The following TENM3 variants were observed in gnomAD, a reference collection of about 807,000 sequenced individuals.
TENM3 encodes teneurin transmembrane protein 3, also known as teneurin-3.
Under a neutral mutation model 255.1 loss-of-function variants are expected in TENM3, and 63 were observed. The observed-to-expected ratio is 0.25, with a 90% CI of 0.20 to 0.30. The LOEUF (loss-of-function observed/expected upper bound fraction) is 0.30. Among genes scored for constraint, TENM3 ranks in the 10% least tolerant of loss-of-function variants. The pLI is 1.00. For synonymous variants in TENM3, 1,306 were observed against 1,322.3 expected, an observed-to-expected ratio of 0.99 and a Z score of 0.27; for missense variants, 2,929 against 3,461.1, an observed-to-expected ratio of 0.85 and a Z score of 3.86.
the TENM3 span, among the ~76,000 whole-genome samples, chr4:181,526,958 G>C: frequency 6.6e-6 from 1 of 152,136 alleles, no homozygotes; most frequent in East Asian, 1.9e-4. Context: ...TCATGGCCAA[G>C]TGCTGTCTCT....
At chr4:182,196,628 A>G (rs1235634064) in intron 1 of TENM3, among the ~76,000 whole-genome samples, 1 of 152,146 alleles carries the variant, frequency 6.6e-6, no homozygotes, top group East Asian at 1.9e-4. Flanking sequence ...TAGTAATGTA[A>G]CTAGGGCTGA....
chr4:182,078,460 T>C, the TENM3 span, among the ~76,000 whole-genome samples: 1 of 152,238 alleles, frequency 6.6e-6, no homozygotes, highest in East Asian at 1.9e-4. Context: ...AGGTGGAGAT[T>C]GCAGTGAGCT....
At chr4:182,785,738 C>CAAAAAAA (rs1765596850) in intron 24 of TENM3, among the ~76,000 whole-genome samples, 1 of 139,348 alleles carries the variant, frequency 7.2e-6, no homozygotes, top group Non-Finnish European at 1.5e-5. Context: ...AAAAAAGCCA[C>CAAAAAAA]TGAAGCCTGG....
At chr4:181,492,493 C>T in the TENM3 span, among the ~76,000 whole-genome samples, 2 of 152,214 alleles carry the variant, frequency 1.3e-5, no homozygotes, top group Admixed American at 1.3e-4. Flanking sequence ...AAAGAATGCA[C>T]TTAGCAGTCT....
intron 1 of TENM3, among the ~76,000 whole-genome samples, chr4:182,307,746 C>A (rs1051257318): frequency 6.6e-6 from 1 of 152,242 alleles, no homozygotes; most frequent in African/African-American, 2.4e-5. Context: ...AATTGACTTA[C>A]TCCAAATTGT....
intron 1 of TENM3, among the ~76,000 whole-genome samples, chr4:182,252,142 C>T (rs919295006): frequency 2.6e-5 from 4 of 151,448 alleles, no homozygotes; most frequent in African/African-American, 9.7e-5. Context: ...AAGATTACGC[C>T]ACTGCACTCC....
chr4:182,768,456 T>C (rs1023911950), intron 22 of TENM3, among the ~76,000 whole-genome samples: 1 of 152,190 alleles, frequency 6.6e-6, no homozygotes, highest in East Asian at 1.9e-4. Context: ...TAGAAAGGTA[T>C]TATAATCATG....
At chr4:181,546,650 C>T in the TENM3 span, among the ~76,000 whole-genome samples, 1 of 139,964 alleles carries the variant, frequency 7.1e-6, no homozygotes, top group Non-Finnish European at 1.5e-5. Flanking sequence ...GGAGGCAGAG[C>T]TTGCAGCGAG....
intron 6 of TENM3, among the ~76,000 whole-genome samples, chr4:182,670,551 G>A (rs1561083161): frequency 6.6e-6 from 1 of 152,138 alleles, no homozygotes; most frequent in Non-Finnish European, 1.5e-5. Flanking sequence ...TTCACCTCTA[G>A]CCCGCTCAGA....
chr4:182,066,716 C>T, the TENM3 span, among the ~76,000 whole-genome samples: 7 of 151,712 alleles, frequency 4.6e-5, no homozygotes, highest in South Asian at 4.2e-4. Flanking sequence ...CGAGACCGTC[C>T]TGGCTAACAC....
At chr4:182,352,054 A>T (rs1479037352) in intron 3 of TENM3, among the ~76,000 whole-genome samples, 1 of 152,048 alleles carries the variant, frequency 6.6e-6, no homozygotes, top group Non-Finnish European at 1.5e-5. Flanking sequence ...CCTAGTTTGG[A>T]CTAGGTAGAT....
At chr4:181,571,963 TA>T in the TENM3 span, among the ~76,000 whole-genome samples, 1 of 152,166 alleles carries the variant, frequency 6.6e-6, no homozygotes, top group African/African-American at 2.4e-5. Flanking sequence ...AATATGATTA[TA>T]GGAATCTTTA....
rs113502277 is a variant in TENM3, at chr4:182,336,151, G to A, written c.233-10500G>A. ...CAAAGAGACAGTCTCACACATGGAA[G>A]CCATGCCCTAGAGTACAATTCATCC... On this transcript the variant is annotated intron_variant, in intron 2 of 27. Coordinates refer to ENST00000511685, the MANE Select transcript of TENM3 (RefSeq NM_001080477.4). Among the ~76,000 whole-genome samples, 1,316 of 152,250 alleles carry A rather than the reference G, an allele frequency of 8.6e-3. 22 individuals are homozygous for A. The highest frequency in any genetic ancestry group is 0.03 in the African/African-American group (1,239 of 41,544).
At chr4:181,929,412 G>A in the TENM3 span, among the ~76,000 whole-genome samples, 3 of 151,128 alleles carry the variant, frequency 2.0e-5, no homozygotes, top group South Asian at 6.2e-4. Context: ...CTTTAAACCA[G>A]CAAAGATCAG....
the TENM3 span, among the ~76,000 whole-genome samples, chr4:181,685,404 T>C: frequency 6.6e-6 from 1 of 152,176 alleles, no homozygotes; most frequent in African/African-American, 2.4e-5. Flanking sequence ...TGGCATTGTA[T>C]GTTAGTTGGT....
At chr4:182,697,080 A>G in intron 12 of TENM3, among the ~76,000 whole-genome samples, 1 of 152,300 alleles carries the variant, frequency 6.6e-6, no homozygotes, top group Middle Eastern at 3.4e-3. Flanking sequence ...AGCACTTAGC[A>G]CAGTGCCTGG....
intron 24 of TENM3, among the ~76,000 whole-genome samples, chr4:182,785,588 G>A (rs541750185): frequency 1.1e-4 from 16 of 151,084 alleles, no homozygotes; most frequent in African/African-American, 2.9e-4. Flanking sequence ...CACGCCTCTC[G>A]TCTCAGCTAC....
At chr4:182,161,378 T>A (rs189676293) in intron 1 of TENM3, among the ~76,000 whole-genome samples, 5,973 of 104,706 alleles carry the variant, frequency 0.057, 419 homozygotes, top group Middle Eastern at 0.076. Context: ...ATCGCGCCAC[T>A]GCACTCCAGC....
the TENM3 span, among the ~76,000 whole-genome samples, chr4:182,002,937 T>A: frequency 6.6e-6 from 1 of 152,078 alleles, no homozygotes; most frequent in East Asian, 1.9e-4. Flanking sequence ...TGACTTTGAA[T>A]TTTTTTGTGT....
Sources: gnomAD v4.1 joint callset for allele counts (sites outside exome capture counted in the v4.1 genomes callset) on GRCh38, gnomAD v4.1.1 for gene constraint, MANE v1.5 for transcripts, NCBI Gene and HGNC (gene_info 2026-07-23, HGNC 2026-07-21) for gene names.